HS3ST4: variants seen among roughly 807,000 people sequenced by gnomAD.
HS3ST4 encodes the protein heparan sulfate-glucosamine 3-sulfotransferase 4.
A neutral mutation model predicts 29.2 loss-of-function variants in HS3ST4; 17 were observed. That is an observed-to-expected ratio of 0.58 (90% CI 0.40 to 0.87). The LOEUF (loss-of-function observed/expected upper bound fraction) is 0.87. Among genes scored for constraint, HS3ST4 ranks in the 40% least tolerant of loss-of-function variants. The probability of loss-of-function intolerance (pLI) is 0.00; values close to 1 mark genes in which losing one functional copy is unlikely to be tolerated. For missense variants in HS3ST4, 627 were observed against 634.5 expected, an observed-to-expected ratio of 0.99 and a Z score of 0.13; for synonymous variants, 314 against 285.7, an observed-to-expected ratio of 1.10 and a Z score of -1.00.
At chr16:26,005,125 A>G (rs1397452214) in intron 1 of HS3ST4, among the ~76,000 whole-genome samples, 3 of 152,232 alleles carry the variant, frequency 2.0e-5, no homozygotes, top group Non-Finnish European at 2.9e-5. Context: ...AGCAAAGATC[A>G]TGTTAAAGTG....
chr16:25,726,893 G>A (rs1966539121), intron 1 of HS3ST4, among the ~76,000 whole-genome samples: 1 of 152,068 alleles, frequency 6.6e-6, no homozygotes, highest in Admixed American at 6.6e-5. Flanking sequence ...CATACTTTAA[G>A]AATTTCATGA....
intron 1 of HS3ST4, among the ~76,000 whole-genome samples, chr16:25,997,981 A>G (rs1969171788): frequency 6.6e-6 from 1 of 152,196 alleles, no homozygotes; most frequent in Non-Finnish European, 1.5e-5. Flanking sequence ...CATGCCAGTA[A>G]TCCCAGCATG....
At chr16:25,839,515 C>T (rs1024665385) in intron 1 of HS3ST4, among the ~76,000 whole-genome samples, 4 of 152,220 alleles carry the variant, frequency 2.6e-5, no homozygotes, top group African/African-American at 4.8e-5. Context: ...AAAACATCCT[C>T]TCCACCCTCC....
At chr16:25,877,562 G>A (rs1161619453) in intron 1 of HS3ST4, among the ~76,000 whole-genome samples, 11 of 152,118 alleles carry the variant, frequency 7.2e-5, no homozygotes. Flanking sequence ...TTGGCACGAT[G>A]TACCTGCAAA....
chr16:25,693,065 G>A lies in HS3ST4; in HGVS notation c.648G>A (p.Ala216=), dbSNP rs1206728637. ...KKGGTRALLE[A]IRVHPDVRAV... is the part of the protein sequence containing the mutation. ...GAGGGACCCGCGCGCTGCTGGAGGC[G>A]ATCCGCGTGCACCCGGACGTGCGGG... Residue 216 remains alanine (A), a synonymous_variant, in exon 1 of 2, where the codon GCG becomes GCA. Transcript: ENST00000331351. 1 of 1,608,854 alleles carries A rather than the reference G, an allele frequency of 6.2e-7. No individual in the cohort carries two copies. The highest frequency in any genetic ancestry group is 8.5e-7 in the Non-Finnish European group (1 of 1,178,052).
At chr16:26,094,008 G>A (rs2141791663) in intron 1 of HS3ST4, among the ~76,000 whole-genome samples, 1 of 152,238 alleles carries the variant, frequency 6.6e-6, no homozygotes, top group Admixed American at 6.5e-5. Context: ...GGAAGAAAGG[G>A]TATCAGTGAC....
chr16:25,936,753 T>G lies in HS3ST4; in HGVS notation c.735-198859T>G, dbSNP rs1968520448. On this transcript the variant is annotated intron_variant, in intron 1 of 1. Coordinates refer to ENST00000331351, the MANE Select transcript of HS3ST4 (RefSeq NM_006040.3). ...CCTTGAGGAACTCACAGCAACAGATTAGGATGCATTGTAGTCCAATGGGAT... is the reference window on the plus strand; with the variant it reads ...CCTTGAGGAACTCACAGCAACAGATGAGGATGCATTGTAGTCCAATGGGAT... 2.6e-5 allele frequency among the ~76,000 whole-genome samples: 4 copies of G among 152,154 alleles called. No homozygotes were observed. The South Asian group carries it at 8.3e-4, about 32-fold the overall frequency.
At chr16:25,694,608 T>C (rs1966280003) in intron 1 of HS3ST4, among the ~76,000 whole-genome samples, 1 of 152,058 alleles carries the variant, frequency 6.6e-6, no homozygotes, top group African/African-American at 2.4e-5. Flanking sequence ...GGCTTCCAGT[T>C]TGTGATTATA....
chr16:25,762,158 G>C (rs1966792363), intron 1 of HS3ST4, among the ~76,000 whole-genome samples: 1 of 152,102 alleles, frequency 6.6e-6, no homozygotes, highest in African/African-American at 2.4e-5. Flanking sequence ...TTGAGGAACT[G>C]ACTGTGCTGG....
At chr16:26,065,968 G>A (rs543237432) in intron 1 of HS3ST4, among the ~76,000 whole-genome samples, 4 of 152,292 alleles carry the variant, frequency 2.6e-5, no homozygotes, top group East Asian at 1.9e-4. Context: ...TCTACATCAC[G>A]TATACGTTAA....
chr16:25,756,111 AACACACACACACACATACACACACAC>A (rs1966756063), intron 1 of HS3ST4, among the ~76,000 whole-genome samples: 1 of 144,612 alleles, frequency 6.9e-6, no homozygotes, highest in Non-Finnish European at 1.5e-5. Context: ...GTGTTATAGA[AACACACACACACACATACACACACAC>A]ACACACACAC....
chr16:25,781,323 A>T (rs1319921176), intron 1 of HS3ST4, among the ~76,000 whole-genome samples: 1 of 152,170 alleles, frequency 6.6e-6, no homozygotes, highest in Non-Finnish European at 1.5e-5. Flanking sequence ...TCCCATACAC[A>T]CCAGCACCCT....
chr16:26,076,461 G>C (rs1407458869), intron 1 of HS3ST4, among the ~76,000 whole-genome samples: 1 of 152,164 alleles, frequency 6.6e-6, no homozygotes, highest in East Asian at 1.9e-4. Flanking sequence ...TGCCTGCAGT[G>C]AAAAAAGTGG....
intron 1 of HS3ST4, among the ~76,000 whole-genome samples, chr16:26,051,912 C>CCCTTCCTTCCTTCCTTCCTTCCTT (rs1340165050): frequency 2.8e-5 from 3 of 108,162 alleles, no homozygotes; most frequent in African/African-American, 1.5e-4. Context: ...CTCCCTCCCT[C>CCCTTCCTTCCTTCCTTCCTTCCTT]CCTTCCTTCC....
At chr16:25,808,613 A>G (rs1485046717) in intron 1 of HS3ST4, among the ~76,000 whole-genome samples, 1 of 152,142 alleles carries the variant, frequency 6.6e-6, no homozygotes, top group Non-Finnish European at 1.5e-5. Context: ...GCCTTGCCAT[A>G]TAAATTTTAG....
intron 1 of HS3ST4, among the ~76,000 whole-genome samples, chr16:25,698,817 C>G (rs1201880304): frequency 6.6e-6 from 1 of 152,158 alleles, no homozygotes; most frequent in African/African-American, 2.4e-5. Flanking sequence ...CCCTTTTAAA[C>G]CGAAGGTCAC....
rs1966268354 is a variant in HS3ST4, at chr16:25,693,004, A to T, written c.587A>T (p.Lys196Met). 2 of 1,611,432 alleles carry T rather than the reference A, an allele frequency of 1.2e-6. No individual in the cohort carries two copies. The highest frequency in any genetic ancestry group is 1.7e-6 in the Non-Finnish European group (2 of 1,179,264). ...AGCACCCCCGACTATGGGGAGAAGA[A>T]GCTGCCACAGGCGCTCATCATCGGG... is the stretch of plus-strand genomic sequence containing the variant. ...AVSTPDYGEK[K>M]LPQALIIGVK... Residue 196 changes from lysine to methionine, a missense_variant, in exon 1 of 2, where the codon AAG (lysine) becomes ATG (methionine). Physicochemically the swap from Lys to Met is moderately conservative, Grantham distance 95 (BLOSUM62 -1). Transcript: ENST00000331351.
At chr16:26,055,102 G>GT (rs375927986) in intron 1 of HS3ST4, among the ~76,000 whole-genome samples, 73 of 146,040 alleles carry the variant, frequency 5.0e-4, no homozygotes, top group East Asian at 1.0e-3. Flanking sequence ...TTGATGAGTT[G>GT]TTTTTTTTTT....
rs926970451 is a variant in HS3ST4 at position 25,968,833 on chromosome 16, T to TC, written c.735-166775dup. The stretch of plus-strand genomic sequence containing the variant: ...TGTTTGTTTGTTTTGTTTTGTTTTT[T>TC]CCCCAAGATGGAGTCTTGCTCTGTT... On this transcript the variant is annotated intron_variant, in intron 1 of 1. Coordinates refer to ENST00000331351, the MANE Select transcript of HS3ST4 (RefSeq NM_006040.3). 2.0e-4 allele frequency among the ~76,000 whole-genome samples: 30 copies of TC among 152,282 alleles called. 1 individual carries two copies. Among genetic ancestry groups the TC allele is most frequent in the Admixed American group, 1.0e-3 (16 of 15,298 alleles).
Sources: gnomAD v4.1 joint callset for allele counts (sites outside exome capture counted in the v4.1 genomes callset) on GRCh38, gnomAD v4.1.1 for gene constraint, MANE v1.5 for transcripts, NCBI Gene and HGNC (gene_info 2026-07-23, HGNC 2026-07-21) for gene names.